GRM7: variants seen among roughly 807,000 people sequenced by gnomAD.
GRM7 encodes the protein glutamate metabotropic receptor 7.
Under a neutral mutation model 84.5 loss-of-function variants are expected in GRM7, and 35 were observed. That is an observed-to-expected ratio of 0.41 (90% CI 0.32 to 0.55). GRM7 has a LOEUF of 0.55. Among genes scored for constraint, GRM7 ranks in the 20% least tolerant of loss-of-function variants. The pLI is 0.19. For synonymous variants in GRM7, 487 were observed against 455.1 expected, an observed-to-expected ratio of 1.07 and a Z score of -0.89; for missense variants, 1,003 against 1,194.6, an observed-to-expected ratio of 0.84 and a Z score of 2.36.
intron 1 of GRM7, among the ~76,000 whole-genome samples, chr3:7,138,341 A>G (rs1472096348): frequency 6.6e-6 from 1 of 152,040 alleles, no homozygotes; most frequent in Non-Finnish European, 1.5e-5. Context: ...CTAAGAAGCT[A>G]TAGATGTGGT....
At chr3:7,465,044 A>G (rs1405621557) in intron 7 of GRM7, among the ~76,000 whole-genome samples, 2 of 152,168 alleles carry the variant, frequency 1.3e-5, no homozygotes, top group African/African-American at 4.8e-5. Flanking sequence ...AATAGCACTC[A>G]GTTTAAAATA....
chr3:7,177,725 T>C (rs1695202245), intron 2 of GRM7, among the ~76,000 whole-genome samples: 1 of 152,174 alleles, frequency 6.6e-6, no homozygotes, highest in Non-Finnish European at 1.5e-5. Flanking sequence ...TGATATATAA[T>C]GTGTTTTTAA....
intron 4 of GRM7, among the ~76,000 whole-genome samples, chr3:7,309,788 C>T (rs890761397): frequency 3.3e-5 from 5 of 152,100 alleles, no homozygotes; most frequent in African/African-American, 1.2e-4. Context: ...TCCCCCCTTT[C>T]GATTTAATGA....
intron 7 of GRM7, among the ~76,000 whole-genome samples, chr3:7,531,303 A>G (rs1018044321): frequency 6.6e-6 from 1 of 152,014 alleles, no homozygotes; most frequent in Non-Finnish European, 1.5e-5. Context: ...ATTGGTCTAT[A>G]TCTCTGTTTT....
chr3:7,307,262 G>C (rs1014306712), intron 4 of GRM7, among the ~76,000 whole-genome samples: 1 of 151,878 alleles, frequency 6.6e-6, no homozygotes. Flanking sequence ...AAGAGTGTCT[G>C]TTGCCACCCT....
intron 8 of GRM7, among the ~76,000 whole-genome samples, chr3:7,638,478 G>A (rs1329731540): frequency 6.6e-6 from 1 of 152,154 alleles, no homozygotes; most frequent in Non-Finnish European, 1.5e-5. Flanking sequence ...TAATAAAAGT[G>A]GGATGCCCAC....
intron 1 of GRM7, among the ~76,000 whole-genome samples, chr3:6,940,252 C>T (rs1439118881): frequency 2.0e-5 from 3 of 152,002 alleles, no homozygotes. Flanking sequence ...CCACCATGCC[C>T]AGCTAATTTT....
At chr3:7,429,700 C>T (rs1028691466) in intron 5 of GRM7, among the ~76,000 whole-genome samples, 1 of 152,114 alleles carries the variant, frequency 6.6e-6, no homozygotes, top group Non-Finnish European at 1.5e-5. Context: ...TGGCTAGCAT[C>T]TGGCAGCACT....
At chr3:7,634,138 T>C (rs988106227) in intron 8 of GRM7, among the ~76,000 whole-genome samples, 4 of 152,168 alleles carry the variant, frequency 2.6e-5, no homozygotes, top group African/African-American at 9.7e-5. Context: ...CTTTCCATGC[T>C]CAGAATTATG....
At chr3:6,915,421 T>C (rs977514856) in intron 1 of GRM7, among the ~76,000 whole-genome samples, 1 of 152,222 alleles carries the variant, frequency 6.6e-6, no homozygotes, top group Non-Finnish European at 1.5e-5. Flanking sequence ...GTTTTTACGG[T>C]CACTTGGATG....
At chr3:7,081,120 C>A (rs536345269) in intron 1 of GRM7, among the ~76,000 whole-genome samples, 71 of 152,102 alleles carry the variant, frequency 4.7e-4, no homozygotes, top group African/African-American at 1.5e-3. Context: ...GGTACAGAGT[C>A]CTTGTAGGAT....
chr3:6,941,250 C>T (rs1033260234), intron 1 of GRM7, among the ~76,000 whole-genome samples: 60 of 152,124 alleles, frequency 3.9e-4, no homozygotes, highest in African/African-American at 1.3e-3. Flanking sequence ...TTTAGGTATA[C>T]GACTTAGAAC....
intron 2 of GRM7, among the ~76,000 whole-genome samples, chr3:7,217,562 C>A (rs1043497137): frequency 1.3e-5 from 2 of 151,768 alleles, no homozygotes; most frequent in Non-Finnish European, 2.9e-5. Context: ...ACCTAAAATT[C>A]TTTTTTCATG....
intron 1 of GRM7, among the ~76,000 whole-genome samples, chr3:6,903,427 A>G (rs2125007250): frequency 6.6e-6 from 1 of 152,260 alleles, no homozygotes; most frequent in South Asian, 2.1e-4. Flanking sequence ...TTAATTTTTC[A>G]TGATATAATT....
intron 1 of GRM7, among the ~76,000 whole-genome samples, chr3:7,121,652 G>T (rs78146998): frequency 0.019 from 2,955 of 152,142 alleles, 73 homozygotes; most frequent in African/African-American, 0.057. Flanking sequence ...AAGAAGAACT[G>T]AACATATATT....
intron 1 of GRM7, among the ~76,000 whole-genome samples, chr3:6,898,743 G>T (rs984541853): frequency 3.6e-4 from 54 of 151,606 alleles, no homozygotes; most frequent in African/African-American, 1.2e-3. Flanking sequence ...GGAGGCGAAG[G>T]CAGGAAGATC....
intron 1 of GRM7, among the ~76,000 whole-genome samples, chr3:7,019,519 T>C (rs1186523311): frequency 6.6e-6 from 1 of 152,198 alleles, no homozygotes; most frequent in Non-Finnish European, 1.5e-5. Flanking sequence ...AAATATAGAT[T>C]GGCTGAGAAA....
intron 1 of GRM7, among the ~76,000 whole-genome samples, chr3:7,053,670 G>A (rs1444926793): frequency 6.6e-6 from 1 of 151,382 alleles, no homozygotes; most frequent in East Asian, 1.9e-4. Context: ...AAAATGAATT[G>A]ACCTTGTATG....
At chr3:7,096,265 G>C (rs1698856489) in intron 1 of GRM7, among the ~76,000 whole-genome samples, 1 of 151,922 alleles carries the variant, frequency 6.6e-6, no homozygotes, top group Admixed American at 6.6e-5. Flanking sequence ...GACCCCACAA[G>C]GTAAGGACTC....
Sources: allele counts gnomAD v4.1 joint callset (sites outside exome capture counted in the v4.1 genomes callset), GRCh38; gene constraint gnomAD v4.1.1; transcripts MANE v1.5; gene names NCBI Gene and HGNC (gene_info 2026-07-23, HGNC 2026-07-21).